KMT2C: variants seen among roughly 807,000 people sequenced by gnomAD.
The protein encoded by KMT2C is lysine methyltransferase 2C.
KMT2C carries 88 observed loss-of-function variants against 507.9 expected under a neutral mutation model. That is an observed-to-expected ratio of 0.17 (90% confidence interval 0.15 to 0.21). KMT2C has a LOEUF of 0.21. KMT2C is among the 10% of genes least tolerant of loss of function. KMT2C has a pLI of 1.00. For missense variants in KMT2C, 4,954 were observed against 5,957.8 expected, an observed-to-expected ratio of 0.83 and a Z score of 5.55; for synonymous variants, 2,049 against 2,080.8, an observed-to-expected ratio of 0.98 and a Z score of 0.42.
intron 8 of KMT2C, among the ~76,000 whole-genome samples, 172 bp downstream of exon 8, chr7:152,264,866 T>A (rs1191885170): frequency 1.3e-5 from 2 of 151,472 alleles, no homozygotes; most frequent in Non-Finnish European, 1.5e-5. Flanking sequence ...ATTATGGATA[T>A]ATACTGGATA....
intron 6 of KMT2C, among the ~76,000 whole-genome samples, chr7:152,293,195 T>TTA (rs2096454189): frequency 6.6e-6 from 1 of 152,182 alleles, no homozygotes. Flanking sequence ...ATATAATAGG[T>TTA]TATATTTCAA....
At chr7:152,139,472 TAC>T (rs1330993876) in intron 56 of KMT2C, among the ~76,000 whole-genome samples, 3 of 152,254 alleles carry the variant, frequency 2.0e-5, no homozygotes, top group Non-Finnish European at 4.4e-5. Flanking sequence ...CTCATTAATT[TAC>T]AGTTGTCTAT....
chr7:152,366,979 A>G, intron 1 of KMT2C: 1 of 550,528 alleles, frequency 1.8e-6, no homozygotes, highest in Non-Finnish European at 3.2e-6. Context: ...GGCCAGCGCC[A>G]GTTGCAGCCC....
In KMT2C at chr7:152,307,195, G is replaced by GAGGAAGGAAGGAAGGAAGGA. The variant is rs565184971; in HGVS notation, c.849+2751_849+2770dup. ...GAAGAGGAAGGAAGGAAAGAAGAGGGAGGAAGGAAGGAAGGAAGGAAGGAA... is the reference window on the plus strand; with the variant it reads ...GAAGAGGAAGGAAGGAAAGAAGAGGGAGGAAGGAAGGAAGGAAGGAAGGAAGGAAGGAAGGAAGGAAGGAA... On this transcript the variant is annotated intron_variant, in intron 6 of 58. Transcript: ENST00000262189. Among the ~76,000 whole-genome samples, 221 of 64,910 alleles carry GAGGAAGGAAGGAAGGAAGGA rather than the reference G, an allele frequency of 3.4e-3. 1 individual carries two copies. Among genetic ancestry groups the GAGGAAGGAAGGAAGGAAGGA allele is most frequent in the Middle Eastern group, 0.01 (1 of 98 alleles). The allele number at this position is 64,910 out of a possible 152,430, so 42.6% of individuals were successfully genotyped here. A position where few individuals can be genotyped will look rare whatever the true frequency, so the allele number is the denominator to read the frequency against.
In KMT2C at chr7:152,148,149, T is replaced by C. The variant is rs199858308; in HGVS notation, c.13778A>G (p.Asn4593Ser). The change falls in exon 52 of 59, where the codon AAT (asparagine) becomes AGT (serine). Residue 4593 changes from asparagine to serine, a missense_variant. By Grantham distance (46) the Asn-to-Ser change is conservative. This residue lies in a region of KMT2C where 221 missense variants were observed against 304.7 expected (regional missense o/e 0.73). Transcript: ENST00000262189. The surrounding 1 kb of genome is among the most constrained non-coding windows in gnomAD (Gnocchi z 7.1). ...SRLYWSTRYA[N>S]RRCRYLCSIE... ...GGAGCACAGGTAGCGGCAGCGCCTA[T>C]TGGCATAGCGAGTGCTCCAGTACAG... 20 of 1,614,108 alleles carry C rather than the reference T, an allele frequency of 1.2e-5. No homozygotes were observed. The highest frequency in any genetic ancestry group is 1.7e-4 in the Middle Eastern group (1 of 6,060).
chr7:152,188,199 T>A (rs2093680666), intron 31 of KMT2C, among the ~76,000 whole-genome samples: 1 of 152,244 alleles, frequency 6.6e-6, no homozygotes, highest in South Asian at 2.1e-4. Context: ...TTATAATACT[T>A]AAAGAGTGAC....
chr7:152,412,306 C>A (rs1199704210), intron 1 of KMT2C, among the ~76,000 whole-genome samples: 2 of 152,212 alleles, frequency 1.3e-5, no homozygotes, highest in African/African-American at 4.8e-5. Context: ...GAGGCTGAGG[C>A]AGGAGAATGG....
chr7:152,178,161 T>TA, intron 37 of KMT2C, 151 bp from the exon 38 acceptor site: 1 of 808,852 alleles, frequency 1.2e-6, no homozygotes, highest in Non-Finnish European at 1.7e-6. Context: ...CTATCACCAT[T>TA]AAAAAGTATT....
chr7:152,316,823 T>A (rs1345798732), intron 3 of KMT2C, among the ~76,000 whole-genome samples: 1 of 150,922 alleles, frequency 6.6e-6, no homozygotes, highest in Non-Finnish European at 1.5e-5. Flanking sequence ...AAATGTAGTG[T>A]AATTTCAAAA....
At chr7:152,152,628 A>C in intron 49 of KMT2C, 77 bp downstream of exon 49, 2 of 1,530,846 alleles carry the variant, frequency 1.3e-6, no homozygotes, top group South Asian at 2.4e-5. Context: ...GTTAAAAGAT[A>C]ATCAGTATCT....
At chr7:152,252,471 G>C in intron 10 of KMT2C, 75 bp downstream of exon 10, 1 of 1,202,292 alleles carries the variant, frequency 8.3e-7, no homozygotes, top group Middle Eastern at 2.7e-4. Flanking sequence ...CTTAGAAGCT[G>C]TAAGATGGTA....
intron 1 of KMT2C, among the ~76,000 whole-genome samples, chr7:152,382,217 CT>C (rs1359304381): frequency 6.6e-6 from 1 of 152,166 alleles, no homozygotes; most frequent in Admixed American, 6.5e-5. Context: ...GCCATTCAGG[CT>C]TCATTGAGAC....
chr7:152,154,767 T>G (rs1393958986), intron 46 of KMT2C: 1 of 217,096 alleles, frequency 4.6e-6, no homozygotes, highest in East Asian at 1.1e-4. Flanking sequence ...CCCAGATCGT[T>G]GAGCCTAGGG....
intron 1 of KMT2C, among the ~76,000 whole-genome samples, chr7:152,403,709 GACACATACACACACACACACACACACAC>G (rs2097586245): frequency 7.3e-5 from 11 of 151,060 alleles, no homozygotes; most frequent in African/African-American, 2.7e-4. Flanking sequence ...GAAAAACTGG[GACACATACACACACACACACACACACAC>G]ACACACACAC....
intron 30 of KMT2C, 50 bp from the exon 31 acceptor site, chr7:152,194,178 CT>C: frequency 6.4e-7 from 1 of 1,564,168 alleles, no homozygotes; most frequent in Non-Finnish European, 8.6e-7. Flanking sequence ...TAGTAGGGTC[CT>C]GGTATGGGGA....
chr7:152,427,970 G>GT (rs1451457535), intron 1 of KMT2C, among the ~76,000 whole-genome samples: 1 of 151,992 alleles, frequency 6.6e-6, no homozygotes, highest in Non-Finnish European at 1.5e-5. Context: ...TACAACTATT[G>GT]TAACAGCCTA....
Position 152,205,206 on chromosome 7 carries a change from C to G in KMT2C, c.3861G>C (p.Val1287=). The G allele has an allele frequency of 6.2e-7, 1 of 1,611,000 alleles. No homozygotes were observed. The highest frequency in any genetic ancestry group is 8.5e-7 in the Non-Finnish European group (1 of 1,178,844). ...CTTGCCCAGTTCGACTTCTTTGCCG[C>G]ACCATAAATCCACCAATACCTATCC... is the stretch of plus-strand genomic sequence containing the variant. ...PYRPGIGGFM[V]RQRSRTGQGK... The change falls in exon 25 of 59, where the codon GTG becomes GTC. Residue 1287 remains valine (V), a synonymous_variant. Transcript: ENST00000262189.
intron 1 of KMT2C, among the ~76,000 whole-genome samples, chr7:152,373,196 G>A (rs1475851033): frequency 2.0e-5 from 3 of 152,074 alleles, no homozygotes; most frequent in Non-Finnish European, 2.9e-5. Flanking sequence ...CTATGTCCAC[G>A]GGTTCCGCAT....
intron 1 of KMT2C, among the ~76,000 whole-genome samples, chr7:152,388,386 C>A (rs1243054413): frequency 2.6e-5 from 4 of 152,096 alleles, no homozygotes; most frequent in African/African-American, 4.8e-5. Context: ...TGGTGAAACC[C>A]CGTCTCTACT....
Sources: allele counts gnomAD v4.1 joint callset (sites outside exome capture counted in the v4.1 genomes callset), GRCh38; gene constraint gnomAD v4.1.1; regional missense constraint gnomAD v4.1.1; non-coding constraint Gnocchi (gnomAD v3.1); transcripts MANE v1.5; gene names NCBI Gene and HGNC (gene_info 2026-07-23, HGNC 2026-07-21).